Variants in MED16 observed in about 807,000 individuals in gnomAD.
The protein encoded by MED16 is mediator complex subunit 16, also known as mediator of RNA polymerase II transcription subunit 16.
Under a neutral mutation model 84.4 loss-of-function variants are expected in MED16, and 81 were observed. That is an observed-to-expected ratio of 0.96 (90% confidence interval 0.80 to 1.15). The LOEUF (loss-of-function observed/expected upper bound fraction) is 1.15. Among genes scored for constraint, MED16 ranks in the 50% most tolerant of loss-of-function variants. The probability of loss-of-function intolerance (pLI) is 0.00; values close to 1 mark genes in which losing one functional copy is unlikely to be tolerated. For synonymous variants in MED16, 897 were observed against 552.2 expected (o/e 1.62, Z -8.76); for missense variants, 1,585 against 1,245.9 (o/e 1.27, Z -4.10).
At chr19:868,653 TCTC>T (rs1042896631) in intron 14 of MED16, among the ~76,000 whole-genome samples, 154 bp from the exon 15 acceptor site, 126 of 152,022 alleles carry the variant, frequency 8.3e-4, no homozygotes, top group Middle Eastern at 3.4e-3. Context: ...TGCCCATGCT[TCTC>T]CTCCCCCCAG....
chr19:888,951 C>T (rs889614410), intron 4 of MED16, among the ~76,000 whole-genome samples: 1 of 152,168 alleles, frequency 6.6e-6, no homozygotes, highest in African/African-American at 2.4e-5. Flanking sequence ...CGAACATCCC[C>T]GAGACCCTGC....
intron 4 of MED16, 117 bp from the exon 5 acceptor site, chr19:886,318 G>A: frequency 1.1e-6 from 1 of 908,610 alleles, no homozygotes; most frequent in Non-Finnish European, 1.6e-6. Context: ...GTGCACCTGG[G>A]TTCAGATCCT....
chr19:877,227 C>G, intron 8 of MED16, 47 bp from the exon 9 acceptor site: 1 of 1,556,304 alleles, frequency 6.4e-7, no homozygotes, highest in Non-Finnish European at 8.7e-7. Context: ...TGGGGCTGCG[C>G]CCTCAGCCGG....
chr19:885,744 C>A (rs748674844), intron 5 of MED16, 26 bp downstream of exon 5: 28 of 1,594,984 alleles, frequency 1.8e-5, no homozygotes, highest in Non-Finnish European at 1.7e-5. Flanking sequence ...GCCTGCCAGC[C>A]CACGTGATGG....
intron 4 of MED16, among the ~76,000 whole-genome samples, chr19:888,246 GCTCGTTGGCTCACAC>G (rs1368147113): frequency 1.3e-5 from 2 of 151,632 alleles, no homozygotes; most frequent in Non-Finnish European, 2.9e-5. Context: ...GTCTGGCCGG[GCTCGTTGGCTCACAC>G]CTCTAATCCC....
At chr19:876,918 C>G in intron 9 of MED16, 56 bp downstream of exon 9, 1 of 1,530,844 alleles carries the variant, frequency 6.5e-7, no homozygotes, top group South Asian at 1.2e-5. Context: ...CACGGGGCCC[C>G]CACCTGCCAC....
chr19:883,266 GAGCTGGGCATGGC>G (rs1360067084), intron 6 of MED16, among the ~76,000 whole-genome samples: 4 of 151,700 alleles, frequency 2.6e-5, no homozygotes, highest in African/African-American at 9.7e-5. Context: ...GGTGCGTGAA[GAGCTGGGCATGGC>G]GGGGACCGAA....
intron 7 of MED16, 112 bp downstream of exon 7, chr19:881,447 C>A: frequency 1.5e-6 from 2 of 1,308,050 alleles, no homozygotes; most frequent in Non-Finnish European, 2.1e-6. Context: ...GGCCTGTGCT[C>A]AGAGCCCACG....
In MED16 at chr19:872,136, C is replaced by T. The variant is rs78057637; in HGVS notation, c.1906-18G>A. The T allele has an allele frequency of 2.1e-4, 335 of 1,566,932 alleles. No homozygotes were observed. The East Asian group carries it at 6.8e-3, about 32-fold the overall frequency. On this transcript the variant is annotated intron_variant, in intron 11 of 15. Transcript: ENST00000325464. ...AGGGAACCCTGCCCGAAAGAGGCAT[C>T]GGTGTGGCTGGGGCGGCGGGGGGCA...
chr19:871,746 G>T, intron 12 of MED16, 180 bp downstream of exon 12: 1 of 774,462 alleles, frequency 1.3e-6, no homozygotes, highest in Non-Finnish European at 2.0e-6. Flanking sequence ...CAGGACTTGT[G>T]TTTTGGTAGG....
At chr19:872,269 G>C in intron 11 of MED16, 151 bp from the exon 12 acceptor site, 1 of 635,406 alleles carries the variant, frequency 1.6e-6, no homozygotes, top group Non-Finnish European at 2.6e-6. Context: ...TTCTGGCACC[G>C]AGTGGGTGGA....
At position 868,023 on chromosome 19, in the gene MED16, G is replaced by A. The variant is rs943357134; in HGVS notation, c.*78C>T. The A allele has an allele frequency of 3.4e-5, 51 of 1,502,248 alleles. No homozygotes were observed. The highest frequency in any genetic ancestry group is 1.4e-4 in the East Asian group (6 of 44,030). The allele number at this position is 1,502,248 out of a possible 1,614,324, so 93.1% of individuals were successfully genotyped here. The stretch of plus-strand genomic sequence containing the variant: ...CAGCCGCTGCTTGTCCAGGTTCAGC[G>A]CTCTCCGCGGGTGAGGCAAGGAAAC... On this transcript the variant is annotated 3_prime_UTR_variant, in exon 16 of 16. Transcript: ENST00000325464.
rs747063670 is a variant in MED16 at position 891,143 on chromosome 19, C to G, written c.-12G>C. Reference sequence around the variant, plus strand: ...CGCAAATCACACATGAGGGCAGTCACCAGCTCCTGCGGGAGGGAGGTGTGG... The same window carrying G: ...CGCAAATCACACATGAGGGCAGTCAGCAGCTCCTGCGGGAGGGAGGTGTGG... On this transcript the variant is annotated 5_prime_UTR_variant, in exon 2 of 16. Coordinates refer to ENST00000325464, the MANE Select transcript of MED16 (RefSeq NM_005481.3). The G allele has an allele frequency of 1.9e-6, 3 of 1,607,228 alleles. No homozygotes were observed. The highest frequency in any genetic ancestry group is 2.6e-6 in the Non-Finnish European group (3 of 1,175,896).
At position 872,082 on chromosome 19, in the gene MED16, C is replaced by A; in HGVS notation, c.1942G>T (p.Asp648Tyr). The stretch of plus-strand genomic sequence containing the variant: ...CGAAGCATGCCCAGCGAGGTGCCGT[C>A]CCGCAGAAAGCTGTGGCCCGGCCTC... The part of the protein sequence containing the change: ...LLRPGHSFLR[D>Y]GTSLGMLREL... Residue 648 changes from aspartate to tyrosine, a missense_variant, in exon 12 of 16, where the codon GAC (aspartate) becomes TAC (tyrosine). Coordinates refer to ENST00000325464, the MANE Select transcript of MED16 (RefSeq NM_005481.3). 2 of 1,609,058 alleles carry A rather than the reference C, an allele frequency of 1.2e-6. No individual in the cohort carries two copies. Among genetic ancestry groups the A allele is most frequent in the Non-Finnish European group, 1.7e-6 (2 of 1,177,934 alleles).
chr19:884,351 G>A (rs908915813), intron 6 of MED16, among the ~76,000 whole-genome samples: 3 of 152,124 alleles, frequency 2.0e-5, no homozygotes, highest in Admixed American at 2.0e-4. Context: ...TTGGCTCCGT[G>A]GGTGCGGGGG....
Position 871,271 on chromosome 19 carries a change from G to C in MED16, c.2099-18C>G. On this transcript the variant is annotated intron_variant, in intron 12 of 15. Transcript: ENST00000325464. ...ATCGCGACCTGCGGAGAGAGGTGGCGGAAGTCTCAGCACCCCTGACTGGGG... is the reference window on the plus strand; with the variant it reads ...ATCGCGACCTGCGGAGAGAGGTGGCCGAAGTCTCAGCACCCCTGACTGGGG... The C allele has an allele frequency of 6.6e-7, 1 of 1,525,038 alleles. No individual in the cohort carries two copies. The highest frequency in any genetic ancestry group is 1.4e-5 in the African/African-American group (1 of 72,800). The allele number at this position is 1,525,038 out of a possible 1,614,324, so 94.5% of individuals were successfully genotyped here.
At chr19:891,455 C>T (rs113717112) in intron 1 of MED16, among the ~76,000 whole-genome samples, 2,759 of 152,276 alleles carry the variant, frequency 0.018, 73 homozygotes, top group African/African-American at 0.062. Flanking sequence ...AAGGGCACAG[C>T]CGGGAGACGC....
intron 13 of MED16, among the ~76,000 whole-genome samples, chr19:869,789 C>T (rs1409236104): frequency 6.6e-6 from 1 of 152,210 alleles, no homozygotes; most frequent in Admixed American, 6.5e-5. Context: ...CCTGAGCAAT[C>T]AGTGGCTCAG....
At chr19:872,886 G>T in intron 11 of MED16, 1 of 884,990 alleles carries the variant, frequency 1.1e-6, no homozygotes, top group Non-Finnish European at 1.4e-6. Flanking sequence ...TGGGCAGGAA[G>T]GGTGTGGCCA....
Sources: gnomAD v4.1 joint callset for allele counts (sites outside exome capture counted in the v4.1 genomes callset) on GRCh38, gnomAD v4.1.1 for gene constraint, MANE v1.5 for transcripts, NCBI Gene and HGNC (gene_info 2026-07-23, HGNC 2026-07-21) for gene names.